Variants in TRIM44 observed in about 807,000 individuals in gnomAD.
TRIM44 encodes tripartite motif-containing protein 44.
A neutral mutation model predicts 37.4 loss-of-function variants in TRIM44; 13 were observed. The observed-to-expected ratio is 0.35, with a 90% CI of 0.23 to 0.55. The LOEUF is 0.55. Ranked by LOEUF, TRIM44 falls within the 20% of genes least tolerant of loss-of-function variation. The pLI is 0.89. For synonymous variants in TRIM44, 175 were observed against 157.2 expected (o/e 1.11, Z -0.85); for missense variants, 426 against 437.2 (o/e 0.97, Z 0.23).
chr11:35,804,411 C>T (rs1412950507), intron 4 of TRIM44, among the ~76,000 whole-genome samples: 4 of 152,192 alleles, frequency 2.6e-5, no homozygotes, highest in Non-Finnish European at 5.9e-5. Flanking sequence ...AGTATGTCTT[C>T]TCTCAGACAA....
At chr11:35,776,934 G>C (rs1211513924) in intron 4 of TRIM44, among the ~76,000 whole-genome samples, 1 of 152,206 alleles carries the variant, frequency 6.6e-6, no homozygotes, top group Admixed American at 6.5e-5. Flanking sequence ...ATATTCTGTT[G>C]ATTTGGGGTG....
At chr11:35,717,230 AGT>A (rs778085600) in intron 2 of TRIM44, among the ~76,000 whole-genome samples, 39 of 152,194 alleles carry the variant, frequency 2.6e-4, no homozygotes, top group Non-Finnish European at 1.0e-4. Flanking sequence ...TGCTTCTCTC[AGT>A]GGAAAGTGAT....
chr11:35,770,059 C>G lies in TRIM44; in HGVS notation c.1007+34614C>G, dbSNP rs1474617815. Reference sequence around the variant, plus strand: ...ATAGTTTTTCAACCCTTGCCCCACTCCCTTCCCCGTCTAGTAGTCCCTAGT... The same window carrying G: ...ATAGTTTTTCAACCCTTGCCCCACTGCCTTCCCCGTCTAGTAGTCCCTAGT... On this transcript the variant is annotated intron_variant, in intron 4 of 4. Transcript: ENST00000299413. 2.0e-5 allele frequency among the ~76,000 whole-genome samples: 3 copies of G among 152,104 alleles called. No homozygotes were observed. The East Asian group carries it at 5.8e-4, about 29-fold the overall frequency.
chr11:35,757,156 A>G (rs1439191286), intron 4 of TRIM44, among the ~76,000 whole-genome samples: 7 of 152,186 alleles, frequency 4.6e-5, no homozygotes, highest in African/African-American at 1.2e-4. Context: ...TTGGTAAGCT[A>G]TTAATTATTG....
intron 4 of TRIM44, among the ~76,000 whole-genome samples, chr11:35,773,623 C>G (rs1035632705): frequency 3.9e-5 from 6 of 152,144 alleles, no homozygotes; most frequent in African/African-American, 1.4e-4. Flanking sequence ...CCTCCCCTCT[C>G]CCCCTACCCC....
At chr11:35,716,687 G>A (rs1852043245) in intron 2 of TRIM44, among the ~76,000 whole-genome samples, 1 of 152,188 alleles carries the variant, frequency 6.6e-6, no homozygotes, top group Non-Finnish European at 1.5e-5. Context: ...CTTGACTCCA[G>A]AGTTTGGAGC....
intron 2 of TRIM44, among the ~76,000 whole-genome samples, chr11:35,714,671 T>A (rs1465115112): frequency 6.6e-6 from 1 of 152,214 alleles, no homozygotes; most frequent in Non-Finnish European, 1.5e-5. Flanking sequence ...AATCTTCAGA[T>A]AAAATAGGCT....
chr11:35,669,849 G>T (rs1210879298), intron 1 of TRIM44, among the ~76,000 whole-genome samples: 1 of 151,736 alleles, frequency 6.6e-6, no homozygotes, highest in Non-Finnish European at 1.5e-5. Context: ...TTGAGATAGA[G>T]CCTCATTCTG....
At chr11:35,790,032 G>T (rs1853185201) in intron 4 of TRIM44, among the ~76,000 whole-genome samples, 1 of 152,150 alleles carries the variant, frequency 6.6e-6, no homozygotes, top group Non-Finnish European at 1.5e-5. Flanking sequence ...TGGAAAAACT[G>T]GGAGGAGGGC....
intron 2 of TRIM44, among the ~76,000 whole-genome samples, chr11:35,715,365 A>G (rs1410526624): frequency 2.6e-5 from 4 of 151,784 alleles, no homozygotes; most frequent in Admixed American, 6.6e-5. Flanking sequence ...CAAAGCCTCT[A>G]GGAAACATGG....
intron 4 of TRIM44, among the ~76,000 whole-genome samples, chr11:35,744,799 C>T (rs1159905263): frequency 6.6e-6 from 1 of 152,164 alleles, no homozygotes; most frequent in African/African-American, 2.4e-5. Context: ...TCAGCTCCCA[C>T]TTAAAGTGAG....
chr11:35,709,719 A>C (rs938168449), intron 2 of TRIM44, among the ~76,000 whole-genome samples: 2 of 152,206 alleles, frequency 1.3e-5, no homozygotes, highest in Non-Finnish European at 2.9e-5. Context: ...CTGAGAGATC[A>C]GAGGACACAA....
chr11:35,712,708 A>G (rs960077244), intron 2 of TRIM44, among the ~76,000 whole-genome samples: 1 of 152,140 alleles, frequency 6.6e-6, no homozygotes, highest in South Asian at 2.1e-4. Context: ...CAAAAGCTTG[A>G]AGGGCTGATT....
intron 2 of TRIM44, among the ~76,000 whole-genome samples, chr11:35,689,859 A>C (rs1006832463): frequency 8.5e-5 from 13 of 152,182 alleles, no homozygotes; most frequent in African/African-American, 3.1e-4. Flanking sequence ...AGCTCAATCA[A>C]ACTAACCTCT....
At chr11:35,791,665 C>T (rs1243397577) in intron 4 of TRIM44, among the ~76,000 whole-genome samples, 1 of 152,158 alleles carries the variant, frequency 6.6e-6, no homozygotes, top group African/African-American at 2.4e-5. Flanking sequence ...CAAGCTGTTC[C>T]CTCCACCTGG....
intron 1 of TRIM44, among the ~76,000 whole-genome samples, chr11:35,672,633 A>G (rs186592315): frequency 1.4e-4 from 21 of 152,138 alleles, no homozygotes; most frequent in Admixed American, 7.2e-4. Context: ...ACTGAGGAAC[A>G]TTGGTGTCTG....
rs2135478602 is a variant in TRIM44 at position 35,662,983 on chromosome 11, C to T, written c.-129C>T. ...CGCGGCCCCAGGTCCCGCTTCGAGA[C>T]GCGGCGCGGTCCAGGCGGGAGGCGA... On this transcript the variant is annotated 5_prime_UTR_variant, in exon 1 of 5. In the 5' UTR this introduces an upstream ATG that the reference lacks. Coordinates refer to ENST00000299413, the MANE Select transcript of TRIM44 (RefSeq NM_017583.6). The T allele has an allele frequency of 2.2e-6, 3 of 1,369,852 alleles. No individual in the cohort carries two copies. Among genetic ancestry groups the T allele is most frequent in the Non-Finnish European group, 2.8e-6 (3 of 1,066,074 alleles). 84.9% of individuals were successfully genotyped at this position (1,369,852 alleles called of 1,614,324 possible).
chr11:35,760,261 C>A (rs182119971), intron 4 of TRIM44, among the ~76,000 whole-genome samples: 2 of 152,186 alleles, frequency 1.3e-5, no homozygotes, highest in African/African-American at 4.8e-5. Flanking sequence ...TAGCAATCAG[C>A]GAGGCTCCGT....
intron 4 of TRIM44, among the ~76,000 whole-genome samples, chr11:35,742,408 CTAA>C (rs1403180161): frequency 2.2e-5 from 3 of 133,384 alleles, no homozygotes; most frequent in Non-Finnish European, 3.1e-5. Context: ...GACAACAGTC[CTAA>C]TAATTAATGT....
Sources: allele counts gnomAD v4.1 joint callset (sites outside exome capture counted in the v4.1 genomes callset), GRCh38; gene constraint gnomAD v4.1.1; transcripts MANE v1.5; gene names NCBI Gene and HGNC (gene_info 2026-07-23, HGNC 2026-07-21).